ATF6: variants seen among roughly 807,000 people sequenced by gnomAD.
ATF6 encodes the protein cyclic AMP-dependent transcription factor ATF-6 alpha.
Under a neutral mutation model 83.6 loss-of-function variants are expected in ATF6, and 53 were observed. That is an observed-to-expected ratio of 0.63 (90% CI 0.51 to 0.80). ATF6 has a LOEUF of 0.80. Among genes scored for constraint, ATF6 ranks in the 30% least tolerant of loss-of-function variants. The pLI, the probability that ATF6 is intolerant of heterozygous loss-of-function variation, is 0.00. For missense variants in ATF6, 744 were observed against 797.9 expected, an observed-to-expected ratio of 0.93 and a Z score of 0.81; for synonymous variants, 288 against 285.8, an observed-to-expected ratio of 1.01 and a Z score of -0.08.
chr1:161,812,784 CTGTGTGTG>C (rs4040222), intron 7 of ATF6, among the ~76,000 whole-genome samples: 7 of 145,328 alleles, frequency 4.8e-5, no homozygotes, highest in Admixed American at 1.4e-4. Context: ...TTTGCCTCCT[CTGTGTGTG>C]TGTGTGTGTG....
chr1:161,904,554 C>T (rs1389552734), intron 14 of ATF6, among the ~76,000 whole-genome samples: 1 of 152,028 alleles, frequency 6.6e-6, no homozygotes, highest in Non-Finnish European at 1.5e-5. Context: ...CGCTACTGTA[C>T]TCCAGCCTGG....
At chr1:161,770,285 C>T (rs532546575) in intron 1 of ATF6, among the ~76,000 whole-genome samples, 1 of 152,238 alleles carries the variant, frequency 6.6e-6, no homozygotes, top group Non-Finnish European at 1.5e-5. Context: ...AATAGTATTA[C>T]AAAAATACTA....
chr1:161,786,286 G>A (rs565268605), intron 4 of ATF6, among the ~76,000 whole-genome samples: 19 of 151,998 alleles, frequency 1.3e-4, no homozygotes, highest in Admixed American at 5.9e-4. Flanking sequence ...GCGCCCGGCC[G>A]TTCATTTTTT....
chr1:161,936,738 C>G (rs1688542913), intron 15 of ATF6, among the ~76,000 whole-genome samples: 1 of 152,078 alleles, frequency 6.6e-6, no homozygotes, highest in South Asian at 2.1e-4. Context: ...AAATTTATAC[C>G]TCCAAACCCA....
At chr1:161,801,382 T>TCC (rs1685143456) in intron 6 of ATF6, among the ~76,000 whole-genome samples, 1 of 140,410 alleles carries the variant, frequency 7.1e-6, no homozygotes, top group African/African-American at 2.7e-5. Context: ...TTTTTTTTTT[T>TCC]GTCCTTTTTA....
At chr1:161,853,177 A>C (rs772361324) in intron 11 of ATF6, 47 bp from the exon 12 acceptor site, 6 of 1,293,182 alleles carry the variant, frequency 4.6e-6, no homozygotes, top group Non-Finnish European at 6.5e-6. Flanking sequence ...ATCCATTTCT[A>C]TGTTTAATTA....
At chr1:161,824,855 A>G (rs556907818) in intron 9 of ATF6, among the ~76,000 whole-genome samples, 1 of 152,370 alleles carries the variant, frequency 6.6e-6, no homozygotes, top group Admixed American at 6.5e-5. Context: ...TATGAATAAA[A>G]GTACAGTCTA....
chr1:161,772,172 A>C (rs1012546991), intron 1 of ATF6, among the ~76,000 whole-genome samples: 1 of 152,138 alleles, frequency 6.6e-6, no homozygotes, highest in East Asian at 1.9e-4. Flanking sequence ...TTTAAATACC[A>C]TGGACAGTCA....
At position 161,766,449 on chromosome 1, in the gene ATF6, G is replaced by A; in HGVS notation, c.82+7G>A. The A allele has an allele frequency of 6.2e-7, 1 of 1,612,402 alleles. No homozygotes were observed. Among genetic ancestry groups the A allele is most frequent in the Non-Finnish European group, 8.5e-7 (1 of 1,179,094 alleles). On this transcript the variant is annotated splice_region_variant and intron_variant, in intron 1 of 15. Transcript: ENST00000367942. ...AGGCTGGATGAAGATTGGGGTGAGT[G>A]GGATCTGAGAATGTACCAGGGTGGC... is the stretch of plus-strand genomic sequence containing the variant.
intron 14 of ATF6, among the ~76,000 whole-genome samples, chr1:161,864,523 T>C (rs1020079587): frequency 6.6e-6 from 1 of 152,222 alleles, no homozygotes; most frequent in African/African-American, 2.4e-5. Flanking sequence ...ATTCTTTTCC[T>C]AAGGTATAAA....
chr1:161,778,995 G>T (rs923980232), intron 2 of ATF6, among the ~76,000 whole-genome samples: 3 of 152,132 alleles, frequency 2.0e-5, no homozygotes, highest in African/African-American at 7.2e-5. Flanking sequence ...ATCATTTTAG[G>T]CTCTTATTAA....
chr1:161,895,608 T>C (rs1306035319), intron 14 of ATF6, among the ~76,000 whole-genome samples: 1 of 152,200 alleles, frequency 6.6e-6, no homozygotes, highest in Non-Finnish European at 1.5e-5. Flanking sequence ...GTATGGAACA[T>C]AGAGATCAAG....
chr1:161,788,593 T>C (rs1006575189), intron 4 of ATF6, among the ~76,000 whole-genome samples: 1 of 152,100 alleles, frequency 6.6e-6, no homozygotes, highest in African/African-American at 2.4e-5. Context: ...TTTTCCTTTA[T>C]GGCTTATTTA....
At chr1:161,786,204 C>T (rs1380456766) in intron 4 of ATF6, among the ~76,000 whole-genome samples, 3 of 152,076 alleles carry the variant, frequency 2.0e-5, no homozygotes, top group Admixed American at 6.5e-5. Context: ...AGGCTGGTCT[C>T]GAACTTCTGA....
intron 13 of ATF6, among the ~76,000 whole-genome samples, chr1:161,862,100 CT>C (rs1686898690): frequency 1.3e-5 from 2 of 152,146 alleles, no homozygotes; most frequent in African/African-American, 4.8e-5. Context: ...TTGCAGGAAC[CT>C]AACCCTGTAT....
intron 15 of ATF6, among the ~76,000 whole-genome samples, chr1:161,926,959 G>A (rs572694341): frequency 6.6e-6 from 1 of 152,172 alleles, no homozygotes; most frequent in South Asian, 2.1e-4. Flanking sequence ...TGATGATTTG[G>A]TTCCATGTTT....
intron 9 of ATF6, among the ~76,000 whole-genome samples, chr1:161,831,294 A>G (rs1409171755): frequency 2.0e-5 from 3 of 152,252 alleles, no homozygotes; most frequent in Admixed American, 2.0e-4. Context: ...GTCAGGAAGC[A>G]ACAGGTGCTG....
At chr1:161,811,188 C>T (rs1343254438) in intron 7 of ATF6, among the ~76,000 whole-genome samples, 5 of 152,094 alleles carry the variant, frequency 3.3e-5, no homozygotes, top group South Asian at 4.1e-4. Context: ...AGATAATTCA[C>T]GAAGAAGAGT....
At chr1:161,847,391 T>A (rs1271515482) in intron 10 of ATF6, among the ~76,000 whole-genome samples, 1 of 152,174 alleles carries the variant, frequency 6.6e-6, no homozygotes, top group Non-Finnish European at 1.5e-5. Flanking sequence ...ATCCATACTG[T>A]TGAAAGATGA....
Sources: gnomAD v4.1 joint callset for allele counts (sites outside exome capture counted in the v4.1 genomes callset) on GRCh38, gnomAD v4.1.1 for gene constraint, MANE v1.5 for transcripts, NCBI Gene and HGNC (gene_info 2026-07-23, HGNC 2026-07-21) for gene names.